The following CAMSAP1 variants were observed in gnomAD, a reference collection of about 807,000 sequenced individuals.
CAMSAP1 encodes the protein calmodulin-regulated spectrin-associated protein 1.
In CAMSAP1, 58 loss-of-function variants were observed where a neutral mutation model predicts 143.5. That is an observed-to-expected ratio of 0.40 (90% CI 0.33 to 0.50). CAMSAP1 has a LOEUF of 0.50. Among genes scored for constraint, CAMSAP1 ranks in the 20% least tolerant of loss-of-function variants. The pLI is 0.45. For missense variants in CAMSAP1, 1,969 were observed against 2,115.7 expected (o/e 0.93, Z 1.36); for synonymous variants, 945 against 859.3 (o/e 1.10, Z -1.74).
intron 1 of CAMSAP1, among the ~76,000 whole-genome samples, chr9:135,895,325 T>TTTTC (rs1343907382): frequency 6.6e-6 from 1 of 152,122 alleles, no homozygotes; most frequent in African/African-American, 2.4e-5. Flanking sequence ...AAACAAAATA[T>TTTTC]TTTCAAGCAG....
At chr9:135,836,618 T>C (rs1836054110) in intron 7 of CAMSAP1, 1 of 982,716 alleles carries the variant, frequency 1.0e-6, no homozygotes, top group African/African-American at 1.8e-5. Flanking sequence ...GCCACGTACC[T>C]TCTACCCTGT....
In CAMSAP1 at chr9:135,822,335, C is replaced by T; in HGVS notation, c.2326G>A (p.Asp776Asn). ...GEEESAKLQEDMKVKEHEDKD... is the reference protein window; with the variant it reads ...GEEESAKLQENMKVKEHEDKD... ...TCTTCATGTTCCTTCACCTTCATGT[C>T]CTCCTGCAGTTTGGCCGACTCTTCC... Residue 776 changes from aspartate to asparagine, a missense_variant, in exon 11 of 17, where the codon GAC becomes AAC. Asp to Asn is a conservative substitution (Grantham distance 23). Around this residue, in one of 4 missense-constraint regions of CAMSAP1, gnomAD observed 1,390 missense variants for 1,420.8 expected, o/e 0.98. Coordinates refer to ENST00000389532, the MANE Select transcript of CAMSAP1 (RefSeq NM_015447.4). The surrounding 1 kb of genome is among the most constrained non-coding windows in gnomAD (Gnocchi z 6.1). The T allele has an allele frequency of 6.2e-7, 1 of 1,614,010 alleles. No individual in the cohort carries two copies. The highest frequency in any genetic ancestry group is 8.5e-7 in the Non-Finnish European group (1 of 1,179,908).
At chr9:135,865,483 T>G in intron 4 of CAMSAP1, 1 of 957,414 alleles carries the variant, frequency 1.0e-6, no homozygotes, top group Non-Finnish European at 1.6e-6. Flanking sequence ...GGAGAGCCTC[T>G]GGTAAGCAAA....
chr9:135,863,873 AG>A (rs1457229142), intron 4 of CAMSAP1, among the ~76,000 whole-genome samples: 4 of 152,152 alleles, frequency 2.6e-5, no homozygotes, highest in Non-Finnish European at 4.4e-5. Context: ...CAGACACGTG[AG>A]GGGGGAACAC....
Position 135,817,992 on chromosome 9 carries a change from C to T in CAMSAP1, c.4256G>A (p.Gly1419Asp), listed in dbSNP as rs1297359894. 2.5e-6 allele frequency: 4 copies of T among 1,613,882 alleles called. No homozygotes were observed. Among genetic ancestry groups the T allele is most frequent in the South Asian group, 1.1e-5 (1 of 91,072 alleles). Residue 1419 changes from glycine to aspartate, a missense_variant, in exon 14 of 17, where the codon GGC becomes GAC. Gly to Asp is a moderately conservative substitution (Grantham distance 94, BLOSUM62 -1). This residue lies in a region of CAMSAP1 where 1,390 missense variants were observed against 1,420.8 expected (regional missense o/e 0.98). Coordinates refer to ENST00000389532, the MANE Select transcript of CAMSAP1 (RefSeq NM_015447.4). Reference sequence around the variant, plus strand: ...GGCCCCTTACCGCTGAGAGGGTGTGCCCCCGGAATGAACGCTCTCGGGTTC... The same window carrying T: ...GGCCCCTTACCGCTGAGAGGGTGTGTCCCCGGAATGAACGCTCTCGGGTTC... ...TTEPESVHSG[G>D]TPSQRVESME...
chr9:135,904,940 G>A (rs544756191), intron 1 of CAMSAP1, among the ~76,000 whole-genome samples: 1 of 151,822 alleles, frequency 6.6e-6, no homozygotes, highest in South Asian at 2.1e-4. Flanking sequence ...ACTCCAGGCT[G>A]GACGATAGAG....
chr9:135,815,175 C>T lies in CAMSAP1; in HGVS notation c.4428G>A (p.Lys1476=), dbSNP rs1376530801. 1 of 1,613,796 alleles carries T rather than the reference C, an allele frequency of 6.2e-7. No homozygotes were observed. Among genetic ancestry groups the T allele is most frequent in the Admixed American group, 1.7e-5 (1 of 60,000 alleles). The change falls in exon 16 of 17, where the codon AAG becomes AAA. Residue 1476 remains lysine (K), a synonymous_variant. Coordinates refer to ENST00000389532, the MANE Select transcript of CAMSAP1 (RefSeq NM_015447.4). ...GGGATATGGCATTGTGAATAATCGG[C>T]TTGTTTGATTTACTACTGGGCTCCT... ...LFKEPSSKSN[K]PIIHNAISHC... is the part of the protein sequence containing the mutation.
intron 14 of CAMSAP1, 65 bp downstream of exon 14, chr9:135,817,912 A>G: frequency 1.6e-6 from 2 of 1,275,940 alleles, no homozygotes; most frequent in East Asian, 2.4e-5. Context: ...TTTAATCAGG[A>G]AGTCCCACCC....
At chr9:135,838,906 C>T (rs562579716) in intron 7 of CAMSAP1, among the ~76,000 whole-genome samples, 6 of 152,160 alleles carry the variant, frequency 3.9e-5, no homozygotes, top group South Asian at 2.1e-4. Context: ...TACAGACACA[C>T]GTCACCACGC....
At chr9:135,836,667 C>A (rs1355499675) in intron 7 of CAMSAP1, 1 of 982,688 alleles carries the variant, frequency 1.0e-6, no homozygotes, top group Non-Finnish European at 1.2e-6. Flanking sequence ...CTACCCCGTT[C>A]TACAGACACA....
intron 7 of CAMSAP1, among the ~76,000 whole-genome samples, chr9:135,840,003 C>G (rs1193427439): frequency 6.6e-6 from 1 of 152,206 alleles, no homozygotes; most frequent in African/African-American, 2.4e-5. Flanking sequence ...CAGACTACCA[C>G]CTGCCAAGAC....
At chr9:135,834,648 A>T (rs147343134) in intron 7 of CAMSAP1, among the ~76,000 whole-genome samples, 1 of 152,318 alleles carries the variant, frequency 6.6e-6, no homozygotes, top group Non-Finnish European at 1.5e-5. Flanking sequence ...TGAGGGGAAC[A>T]GGGAGATGAT....
intron 7 of CAMSAP1, among the ~76,000 whole-genome samples, chr9:135,838,216 TACAG>T (rs1439097399): frequency 2.0e-5 from 3 of 148,044 alleles, no homozygotes; most frequent in African/African-American, 7.6e-5. Flanking sequence ...CCACCCGTTC[TACAG>T]ACACACGTCA....
chr9:135,811,477 G>A lies in CAMSAP1; in HGVS notation c.4641C>T (p.Ile1547=), dbSNP rs758961900. The A allele has an allele frequency of 6.2e-7, 1 of 1,611,572 alleles. No homozygotes were observed. The highest frequency in any genetic ancestry group is 1.1e-5 in the South Asian group (1 of 90,582). The change falls in exon 17 of 17, where the codon ATC becomes ATT. Residue 1547 remains isoleucine, a synonymous_variant. Coordinates refer to ENST00000389532, the MANE Select transcript of CAMSAP1 (RefSeq NM_015447.4). This position sits in a 1 kb window ranked among gnomAD's most constrained non-coding sequence, Gnocchi z 4.9. ...ACAGTTTGTCGATCATTTTCTTGGT[G>A]ATGTTCTTTGGCCCCGTGCCAGTGA... The part of the protein sequence containing the change: ...YKLTGTGPKN[I]TKKMIDKLYK...
At chr9:135,848,799 T>G (rs1193359033) in intron 7 of CAMSAP1, among the ~76,000 whole-genome samples, 2 of 152,230 alleles carry the variant, frequency 1.3e-5, no homozygotes, top group Admixed American at 1.3e-4. Context: ...ATCCTTTCCC[T>G]GTGTCCTGAT....
intron 11 of CAMSAP1, 55 bp from the exon 12 acceptor site, chr9:135,819,201 C>G: frequency 6.5e-7 from 1 of 1,544,298 alleles, no homozygotes; most frequent in Non-Finnish European, 8.7e-7. Context: ...ACGCCGGACA[C>G]GGCCGCACTC....
At chr9:135,870,578 G>A (rs1387944681) in intron 3 of CAMSAP1, among the ~76,000 whole-genome samples, 1 of 152,072 alleles carries the variant, frequency 6.6e-6, no homozygotes. Context: ...TGGATCACTT[G>A]AAGGCGAGGA....
chr9:135,868,800 C>T (rs62582758), intron 3 of CAMSAP1, among the ~76,000 whole-genome samples: 27,436 of 151,500 alleles, frequency 0.18, 2,908 homozygotes, highest in African/African-American at 0.27. Flanking sequence ...GTGTTTTTAG[C>T]AGAGACAGGA....
Position 135,818,325 on chromosome 9 carries a change from G to A in CAMSAP1, c.4168+83C>T, listed in dbSNP as rs1835316175. On this transcript the variant is annotated intron_variant, in intron 13 of 16. Transcript: ENST00000389532. The surrounding 1 kb of genome is among the most constrained non-coding windows in gnomAD (Gnocchi z 7.7). ...CTTCCCGCCTCACACCACTCTTGAT[G>A]ACAAAATTGAAATGAGCTGAAGAAC... The A allele has an allele frequency of 7.0e-7, 1 of 1,419,190 alleles. No homozygotes were observed. The highest frequency in any genetic ancestry group is 9.4e-7 in the Non-Finnish European group (1 of 1,059,006). The allele number at this position is 1,419,190 out of a possible 1,614,324, so 87.9% of individuals were successfully genotyped here. A position where few individuals can be genotyped will look rare whatever the true frequency, so the allele number is the denominator to read the frequency against.
Sources: gnomAD v4.1 joint callset for allele counts (sites outside exome capture counted in the v4.1 genomes callset) on GRCh38, gnomAD v4.1.1 for gene constraint, gnomAD v4.1.1 regional missense constraint, Gnocchi (gnomAD v3.1) non-coding constraint, MANE v1.5 for transcripts, NCBI Gene and HGNC (gene_info 2026-07-23, HGNC 2026-07-21) for gene names.